PPP1R15B: variants seen among roughly 807,000 people sequenced by gnomAD.
The protein encoded by PPP1R15B is protein phosphatase 1, regulatory (inhibitor) subunit 15B.
Under a neutral mutation model 53.9 loss-of-function variants are expected in PPP1R15B, and 31 were observed. The observed-to-expected ratio is 0.58, with a 90% CI of 0.43 to 0.78. PPP1R15B has a LOEUF of 0.78. PPP1R15B is among the 30% of genes least tolerant of loss of function. The pLI is 0.00. For missense variants in PPP1R15B, 928 were observed against 849.6 expected (o/e 1.09, Z -1.15); for synonymous variants, 345 against 329.1 (o/e 1.05, Z -0.52).
At chr1:204,406,752 C>A (rs74397041) in intron 1 of PPP1R15B, among the ~76,000 whole-genome samples, 21 of 146,974 alleles carry the variant, frequency 1.4e-4, no homozygotes, top group South Asian at 2.1e-4. Flanking sequence ...AACTCTGTCT[C>A]AAAAAAAAAA....
At chr1:204,397,360 T>C (rs546594333), downstream of PPP1R15B, among the ~76,000 whole-genome samples, 2 of 152,124 alleles carry the variant, frequency 1.3e-5, no homozygotes, top group Middle Eastern at 6.8e-3. Context: ...AACCTGTCTC[T>C]ACTAAAATAC....
Position 204,406,042 on chromosome 1 carries a change from CCT to C in PPP1R15B, c.*48_*49del, listed in dbSNP as rs892935886. ...TGCCAAGATTTGTTTTTAAAAGACA[CCT>C]CTCAGGTAAGAGGTAGTGTATGCTA... is the stretch of plus-strand genomic sequence containing the variant. On this transcript the variant is annotated 3_prime_UTR_variant, in exon 2 of 2. Transcript: ENST00000367188. 1 of 1,576,888 alleles carries C rather than the reference CCT, an allele frequency of 6.3e-7. No homozygotes were observed. The highest frequency in any genetic ancestry group is 1.4e-5 in the African/African-American group (1 of 73,772).
chr1:204,409,613 T>G lies in PPP1R15B; in HGVS notation c.1799A>C (p.Glu600Ala). The G allele has an allele frequency of 6.2e-7, 1 of 1,614,142 alleles. No homozygotes were observed. The highest frequency in any genetic ancestry group is 8.5e-7 in the Non-Finnish European group (1 of 1,180,032). ...TPSESIVAIS[E>A]CHTLLSCKVQ... is the part of the protein sequence containing the mutation. ...CTTACAAGAAAGTAAGGTGTGACAC[T>G]CAGAAATGGCCACAATGGACTCAGA... The change falls in exon 1 of 2, where the codon GAG becomes GCG. Residue 600 changes from glutamate (E) to alanine (A), a missense_variant. Coordinates refer to ENST00000367188, the MANE Select transcript of PPP1R15B (RefSeq NM_032833.5).
chr1:204,410,499 G>T lies in PPP1R15B; in HGVS notation c.913C>A (p.Gln305Lys). Residue 305 changes from glutamine to lysine, a missense_variant, in exon 1 of 2, where the codon CAA (glutamine) becomes AAA (lysine). By Grantham distance (53) the Gln-to-Lys change is moderately conservative. Coordinates refer to ENST00000367188, the MANE Select transcript of PPP1R15B (RefSeq NM_032833.5). ...HLRMKRLEFLQQASKGQDLPT... is the reference protein window; with the variant it reads ...HLRMKRLEFLKQASKGQDLPT... ...AAATCTTGCCCCTTGCTAGCCTGTT[G>T]AAGGAATTCCAGCCGTTTCATGCGA... 1 of 1,614,170 alleles carries T rather than the reference G, an allele frequency of 6.2e-7. No individual in the cohort carries two copies. Among genetic ancestry groups the T allele is most frequent in the Non-Finnish European group, 8.5e-7 (1 of 1,180,028 alleles).
In PPP1R15B at chr1:204,406,137, G is replaced by C; in HGVS notation, c.2097C>G (p.Leu699=). The change falls in exon 2 of 2, where the codon CTC becomes CTG. Residue 699 remains leucine, a synonymous_variant. Transcript: ENST00000367188. ...TAAGTCCTTTGAAGCATGTTCCCTG[G>C]AGTCTATTAAACATTCTTTCTCTGT... ...FEHRERMFNR[L]QGTCFKGLNV... The C allele has an allele frequency of 6.2e-7, 1 of 1,614,084 alleles. No homozygotes were observed. The highest frequency in any genetic ancestry group is 8.5e-7 in the Non-Finnish European group (1 of 1,180,004).
Position 204,405,256 on chromosome 1 carries a change from T to G in PPP1R15B, c.*836A>C. On this transcript the variant is annotated 3_prime_UTR_variant, in exon 2 of 2. Coordinates refer to ENST00000367188, the MANE Select transcript of PPP1R15B (RefSeq NM_032833.5). ...AAAATAAATGATTATGATGTAATTATTACTTTCCAGAGTGTTTTGCAATAA... is the reference window on the plus strand; with the variant it reads ...AAAATAAATGATTATGATGTAATTAGTACTTTCCAGAGTGTTTTGCAATAA... 4 of 979,142 alleles carry G rather than the reference T, an allele frequency of 4.1e-6. No homozygotes were observed. Among genetic ancestry groups the G allele is most frequent in the African/African-American group, 3.5e-5 (2 of 57,220 alleles). The allele number at this position is 979,142 out of a possible 1,614,324, so 60.7% of individuals were successfully genotyped here.
chr1:204,408,101 T>C (rs1044043987), intron 1 of PPP1R15B, among the ~76,000 whole-genome samples: 23 of 152,224 alleles, frequency 1.5e-4, no homozygotes, highest in Non-Finnish European at 2.4e-4. Flanking sequence ...CATTTAAATC[T>C]TGCAATAACT....
downstream of PPP1R15B, among the ~76,000 whole-genome samples, chr1:204,396,769 A>G (rs1243654806): frequency 6.6e-5 from 10 of 152,220 alleles, no homozygotes; most frequent in Admixed American, 4.6e-4. Context: ...TTATACTTTA[A>G]TAAGTTAATA....
chr1:204,407,815 C>T (rs768879212), intron 1 of PPP1R15B, among the ~76,000 whole-genome samples: 1 of 152,168 alleles, frequency 6.6e-6, no homozygotes, highest in Non-Finnish European at 1.5e-5. Flanking sequence ...TTTAGACTCA[C>T]TGTCCATCAT....
chr1:204,410,186 A>T lies in PPP1R15B; in HGVS notation c.1226T>A (p.Leu409Gln). The T allele has an allele frequency of 3.1e-6, 5 of 1,614,046 alleles. No individual in the cohort carries two copies. Among genetic ancestry groups the T allele is most frequent in the Non-Finnish European group, 4.2e-6 (5 of 1,180,028 alleles). ...GRISVVDYSY[L>Q]EGDLPISARP... is the part of the protein sequence containing the mutation. ...GGCAGAAATGGGAAGGTCACCTTCT[A>T]GGTATGAGTAATCAACTACACTTAT... is the stretch of plus-strand genomic sequence containing the variant. Residue 409 changes from leucine to glutamine, a missense_variant, in exon 1 of 2, where the codon CTA becomes CAA. Coordinates refer to ENST00000367188, the MANE Select transcript of PPP1R15B (RefSeq NM_032833.5).
downstream of PPP1R15B, among the ~76,000 whole-genome samples, chr1:204,403,015 T>A (rs949284929): frequency 2.0e-5 from 3 of 152,030 alleles, no homozygotes; most frequent in African/African-American, 7.2e-5. Flanking sequence ...GAGGTTGCAG[T>A]GAGCTGAGAT....
At chr1:204,397,396 C>G (rs1309477073), downstream of PPP1R15B, among the ~76,000 whole-genome samples, 3 of 149,810 alleles carry the variant, frequency 2.0e-5, no homozygotes, top group Admixed American at 2.0e-4. Flanking sequence ...TGTGGTGGCA[C>G]GCGCCTGTAG....
chr1:204,411,377 A>C lies in PPP1R15B; in HGVS notation c.35T>G (p.Leu12Arg). Reference sequence around the variant, plus strand: ...GAACCGGAAGCCCGCCCGAGGGCCAAGCCGTTTCCGCGATCCGCCTGTCCC... The same window carrying C: ...GAACCGGAAGCCCGCCCGAGGGCCACGCCGTTTCCGCGATCCGCCTGTCCC... Reference protein sequence around the residue: ...EPGTGGSRKRLGPRAGFRFWP... With the variant: ...EPGTGGSRKRRGPRAGFRFWP... The change falls in exon 1 of 2, where the codon CTT becomes CGT. Residue 12 changes from leucine to arginine, a missense_variant. By Grantham distance (102) the Leu-to-Arg change is moderately radical. Coordinates refer to ENST00000367188, the MANE Select transcript of PPP1R15B (RefSeq NM_032833.5). 1 of 1,613,270 alleles carries C rather than the reference A, an allele frequency of 6.2e-7. No individual in the cohort carries two copies. Among genetic ancestry groups the C allele is most frequent in the Non-Finnish European group, 8.5e-7 (1 of 1,180,000 alleles).
At position 204,411,383 on chromosome 1, in the gene PPP1R15B, T is replaced by C; in HGVS notation, c.29A>G (p.Lys10Arg). The change falls in exon 1 of 2, where the codon AAA becomes AGA. Residue 10 changes from lysine to arginine, a missense_variant. Transcript: ENST00000367188. ...GAAGCCCGCCCGAGGGCCAAGCCGTTTCCGCGATCCGCCTGTCCCCGGCTC... is the reference window on the plus strand; with the variant it reads ...GAAGCCCGCCCGAGGGCCAAGCCGTCTCCGCGATCCGCCTGTCCCCGGCTC... MEPGTGGSR[K>R]RLGPRAGFRF... 1 of 1,613,036 alleles carries C rather than the reference T, an allele frequency of 6.2e-7. No individual in the cohort carries two copies. Among genetic ancestry groups the C allele is most frequent in the Non-Finnish European group, 8.5e-7 (1 of 1,179,978 alleles).
chr1:204,411,585 C>G lies in PPP1R15B; in HGVS notation c.-174G>C, dbSNP rs1674381313. 1.3e-5 allele frequency: 11 copies of G among 830,594 alleles called. No homozygotes were observed. Among genetic ancestry groups the G allele is most frequent in the Non-Finnish European group, 2.0e-5 (11 of 539,214 alleles). 51.5% of individuals were successfully genotyped at this position (830,594 alleles called of 1,614,324 possible). Reference sequence around the variant, plus strand: ...AGAGGGCAGCGAATGCGGCAGCGGGCGGCAGAACACAGGGAAGAACAGCCC... The same window carrying G: ...AGAGGGCAGCGAATGCGGCAGCGGGGGGCAGAACACAGGGAAGAACAGCCC... On this transcript the variant is annotated 5_prime_UTR_variant, in exon 1 of 2. Coordinates refer to ENST00000367188, the MANE Select transcript of PPP1R15B (RefSeq NM_032833.5).
chr1:204,400,066 T>C (rs867581621), downstream of PPP1R15B, among the ~76,000 whole-genome samples: 7 of 152,018 alleles, frequency 4.6e-5, no homozygotes, highest in Middle Eastern at 3.4e-3. Flanking sequence ...GGCAACATAG[T>C]GAGACCCTGT....
At chr1:204,396,444 T>C (rs747989919), downstream of PPP1R15B, among the ~76,000 whole-genome samples, 4 of 148,258 alleles carry the variant, frequency 2.7e-5, no homozygotes, top group Non-Finnish European at 5.9e-5. Context: ...TCCCAGCTAC[T>C]CAGGAGGCTG....
At position 204,410,508 on chromosome 1, in the gene PPP1R15B, C is replaced by T. The variant is rs1674349315; in HGVS notation, c.904G>A (p.Glu302Lys). ...EIHHLRMKRL[E>K]FLQQASKGQD... ...CCCTTGCTAGCCTGTTGAAGGAATTCCAGCCGTTTCATGCGAAGATGGTGA... is the reference window on the plus strand; with the variant it reads ...CCCTTGCTAGCCTGTTGAAGGAATTTCAGCCGTTTCATGCGAAGATGGTGA... The change falls in exon 1 of 2, where the codon GAA (glutamate) becomes AAA (lysine). Residue 302 changes from glutamate to lysine, a missense_variant. Transcript: ENST00000367188. 1.9e-6 allele frequency: 3 copies of T among 1,613,964 alleles called. No individual in the cohort carries two copies. Among genetic ancestry groups the T allele is most frequent in the African/African-American group, 2.7e-5 (2 of 74,892 alleles).
At position 204,409,641 on chromosome 1, in the gene PPP1R15B, G is replaced by T. The variant is rs1674324770; in HGVS notation, c.1771C>A (p.Pro591Thr). Residue 591 changes from proline to threonine, a missense_variant, in exon 1 of 2, where the codon CCA (proline) becomes ACA (threonine). Physicochemically the swap from Pro to Thr is conservative, Grantham distance 38. Transcript: ENST00000367188. ...NEKGCRDSKT[P>T]SESIVAISEC... ...GAAATGGCCACAATGGACTCAGATG[G>T]GGTCTTTGAGTCACGACAGCCTTTC... is the stretch of plus-strand genomic sequence containing the variant. 2 of 1,614,126 alleles carry T rather than the reference G, an allele frequency of 1.2e-6. No homozygotes were observed. The highest frequency in any genetic ancestry group is 1.7e-6 in the Non-Finnish European group (2 of 1,180,022).
Sources: allele counts gnomAD v4.1 joint callset (sites outside exome capture counted in the v4.1 genomes callset), GRCh38; gene constraint gnomAD v4.1.1; transcripts MANE v1.5; gene names NCBI Gene and HGNC (gene_info 2026-07-23, HGNC 2026-07-21).